GTF2IRD1: variants seen among roughly 807,000 people sequenced by gnomAD.
GTF2IRD1 encodes general transcription factor II-I repeat domain-containing protein 1.
Under a neutral mutation model 113.2 loss-of-function variants are expected in GTF2IRD1, and 26 were observed. That is an observed-to-expected ratio of 0.23 (90% CI 0.17 to 0.32). The LOEUF is 0.32. Among genes scored for constraint, GTF2IRD1 ranks in the 10% least tolerant of loss-of-function variants. The probability of loss-of-function intolerance (pLI) is 1.00; values close to 1 mark genes in which losing one functional copy is unlikely to be tolerated. For synonymous variants in GTF2IRD1, 484 were observed against 529.1 expected (o/e 0.91, Z 1.17); for missense variants, 864 against 1,280.8 (o/e 0.67, Z 4.97).
At chr7:74,511,111 T>TGG (rs1229260469) in intron 2 of GTF2IRD1, among the ~76,000 whole-genome samples, 1 of 151,974 alleles carries the variant, frequency 6.6e-6, no homozygotes, top group Admixed American at 6.6e-5. Flanking sequence ...AGAGCCTCCT[T>TGG]GGAGGAGCAC....
chr7:74,559,944 T>A (rs1240751199), intron 22 of GTF2IRD1, among the ~76,000 whole-genome samples: 1 of 152,188 alleles, frequency 6.6e-6, no homozygotes, highest in Admixed American at 6.5e-5. Flanking sequence ...CATACCTGGC[T>A]ATTTTTTGTA....
At chr7:74,598,606 G>C (rs768099296) in intron 25 of GTF2IRD1, among the ~76,000 whole-genome samples, 83 of 151,770 alleles carry the variant, frequency 5.5e-4, no homozygotes, top group Non-Finnish European at 1.0e-3. Context: ...ACACAGCCAG[G>C]CTCTGTCTCA....
chr7:74,573,854 C>A (rs1369681179), intron 22 of GTF2IRD1, among the ~76,000 whole-genome samples: 2 of 152,164 alleles, frequency 1.3e-5, no homozygotes, highest in Non-Finnish European at 2.9e-5. Context: ...CTTCGTGTGG[C>A]CCCAACAGAG....
intron 14 of GTF2IRD1, among the ~76,000 whole-genome samples, chr7:74,542,668 C>T (rs1376818704): frequency 1.3e-5 from 2 of 152,232 alleles, no homozygotes; most frequent in Non-Finnish European, 2.9e-5. Flanking sequence ...GACTTGACAG[C>T]AGTCTGTGGC....
At chr7:74,492,892 ACTTGGACTTCT>A (rs1554337100) in intron 1 of GTF2IRD1, among the ~76,000 whole-genome samples, 2 of 151,916 alleles carry the variant, frequency 1.3e-5, no homozygotes, top group Non-Finnish European at 2.9e-5. Context: ...CTTCGTCTTC[ACTTGGACTTCT>A]CTTCTATATG....
At chr7:74,480,302 C>A (rs578246527) in intron 1 of GTF2IRD1, among the ~76,000 whole-genome samples, 1 of 152,224 alleles carries the variant, frequency 6.6e-6, no homozygotes. Context: ...TGTGTCCCCA[C>A]CCCTGTGATT....
intron 1 of GTF2IRD1, among the ~76,000 whole-genome samples, chr7:74,480,440 C>G (rs548620449): frequency 8.5e-5 from 13 of 152,380 alleles, no homozygotes; most frequent in African/African-American, 3.1e-4. Flanking sequence ...TCCGATCCCC[C>G]AGCCAAGGGC....
Position 74,576,988 on chromosome 7 carries a change from C to T in GTF2IRD1, c.2321-12863C>T, listed in dbSNP as rs587694398. ...AAGAGCAGTGCCTGGCACAGAAGAG[C>T]TCAGATTCTCTGAGTTACCAAGTGC... On this transcript the variant is annotated intron_variant, in intron 22 of 26. Transcript: ENST00000424337. Among the ~76,000 whole-genome samples the T allele has an allele frequency of 9.7e-4, 148 of 152,128 alleles. 1 individual carries two copies. The highest frequency in any genetic ancestry group is 3.3e-3 in the African/African-American group (137 of 41,520).
At chr7:74,536,082 T>C (rs1554350099) in intron 10 of GTF2IRD1, 85 bp from the exon 11 acceptor site, 3 of 867,014 alleles carry the variant, frequency 3.5e-6, no homozygotes, top group Non-Finnish European at 5.8e-6. Context: ...TTCCCCCAGC[T>C]TCACACACAG....
chr7:74,569,144 G>A (rs1388037112), intron 22 of GTF2IRD1, among the ~76,000 whole-genome samples: 11 of 152,146 alleles, frequency 7.2e-5, no homozygotes, highest in South Asian at 2.1e-4. Flanking sequence ...GCCACACATC[G>A]GGGGGTCAGG....
At chr7:74,520,689 T>C (rs1797230082) in intron 6 of GTF2IRD1, among the ~76,000 whole-genome samples, 1 of 142,744 alleles carries the variant, frequency 7.0e-6, no homozygotes, top group African/African-American at 2.6e-5. Flanking sequence ...TCCAGCTCTT[T>C]GGGAGGCTGA....
At chr7:74,539,454 AAAG>A (rs1798497996) in intron 13 of GTF2IRD1, among the ~76,000 whole-genome samples, 1 of 152,010 alleles carries the variant, frequency 6.6e-6, no homozygotes, top group South Asian at 2.1e-4. Context: ...TCTCAAAAAA[AAAG>A]AAATGACTGG....
chr7:74,502,428 C>T (rs553282180), intron 1 of GTF2IRD1, among the ~76,000 whole-genome samples: 27 of 152,330 alleles, frequency 1.8e-4, no homozygotes, highest in African/African-American at 5.8e-4. Context: ...AGAATAGGCT[C>T]GCACCTGTTA....
chr7:74,455,725 G>A (rs751821549), intron 1 of GTF2IRD1, among the ~76,000 whole-genome samples: 2 of 152,150 alleles, frequency 1.3e-5, no homozygotes, highest in Non-Finnish European at 2.9e-5. Context: ...ACAGGGTATC[G>A]GAACCCCCAT....
chr7:74,473,371 G>C (rs951127505), intron 1 of GTF2IRD1, among the ~76,000 whole-genome samples: 1 of 151,956 alleles, frequency 6.6e-6, no homozygotes, highest in Non-Finnish European at 1.5e-5. Flanking sequence ...GGGCTGCCAA[G>C]AGCTCTGGAA....
chr7:74,508,685 C>T (rs112128001), intron 2 of GTF2IRD1, among the ~76,000 whole-genome samples: 10,139 of 136,356 alleles, frequency 0.074, 1,111 homozygotes, highest in African/African-American at 0.25. Context: ...GGCAAGACTC[C>T]GTCTTAAAAA....
At chr7:74,466,650 A>G (rs192851297) in intron 1 of GTF2IRD1, among the ~76,000 whole-genome samples, 195 of 152,188 alleles carry the variant, frequency 1.3e-3, no homozygotes, top group Non-Finnish European at 2.2e-3. Context: ...TCCTCTCTGC[A>G]AAGCTTCCCT....
At chr7:74,514,811 A>C (rs1796832029) in intron 3 of GTF2IRD1, among the ~76,000 whole-genome samples, 1 of 151,950 alleles carries the variant, frequency 6.6e-6, no homozygotes, top group South Asian at 2.1e-4. Flanking sequence ...GGGGCCGGGC[A>C]TGGTAGCTCA....
At chr7:74,483,545 A>C (rs1257222519) in intron 1 of GTF2IRD1, among the ~76,000 whole-genome samples, 1 of 151,926 alleles carries the variant, frequency 6.6e-6, no homozygotes, top group African/African-American at 2.4e-5. Context: ...GACTGTCTCT[A>C]CAAAAAAAAT....
Sources: gnomAD v4.1 joint callset for allele counts (sites outside exome capture counted in the v4.1 genomes callset) on GRCh38, gnomAD v4.1.1 for gene constraint, MANE v1.5 for transcripts, NCBI Gene and HGNC (gene_info 2026-07-23, HGNC 2026-07-21) for gene names.